RFX3: variants seen among roughly 807,000 people sequenced by gnomAD.
RFX3 encodes transcription factor RFX3.
In RFX3, 14 loss-of-function variants were observed where a neutral mutation model predicts 98.6. The observed-to-expected ratio is 0.14, with a 90% confidence interval of 0.09 to 0.22. RFX3 has a LOEUF of 0.22. Among genes scored for constraint, RFX3 ranks in the 10% least tolerant of loss-of-function variants. The pLI, the probability that RFX3 is intolerant of heterozygous loss-of-function variation, is 1.00. For missense variants in RFX3, 639 were observed against 926.9 expected (o/e 0.69, Z 4.03); for synonymous variants, 383 against 328.4 (o/e 1.17, Z -1.80).
chr9:3,458,315 A>G (rs1847375902), intron 1 of RFX3, among the ~76,000 whole-genome samples: 1 of 152,238 alleles, frequency 6.6e-6, no homozygotes, highest in South Asian at 2.1e-4. Flanking sequence ...GATGTATGCC[A>G]TTGATATAGA....
At chr9:3,359,675 C>T (rs985776279) in intron 2 of RFX3, among the ~76,000 whole-genome samples, 1 of 152,234 alleles carries the variant, frequency 6.6e-6, no homozygotes, top group East Asian at 1.9e-4. Context: ...TATTCAATAA[C>T]AAACAATGCC....
intron 15 of RFX3, among the ~76,000 whole-genome samples, chr9:3,238,918 G>A (rs1286780664): frequency 1.3e-5 from 2 of 151,538 alleles, no homozygotes; most frequent in Non-Finnish European, 2.9e-5. Flanking sequence ...GCTTGAACCC[G>A]GGAGGCAGAG....
intron 15 of RFX3, among the ~76,000 whole-genome samples, chr9:3,232,038 A>ACAAGCAAG (rs66952089): frequency 0.011 from 673 of 62,942 alleles, 3 homozygotes; most frequent in African/African-American, 0.032. Context: ...TGTCTCAAAA[A>ACAAGCAAG]CAAGCAAGCA....
chr9:3,324,250 T>C (rs1332173748), intron 4 of RFX3: 2 of 207,860 alleles, frequency 9.6e-6, no homozygotes, highest in East Asian at 2.0e-4. Context: ...TACTGTTTTG[T>C]CACATAAAAT....
At chr9:3,339,350 G>C (rs909434205) in intron 3 of RFX3, among the ~76,000 whole-genome samples, 22 of 152,136 alleles carry the variant, frequency 1.4e-4, no homozygotes, top group Admixed American at 7.2e-4. Flanking sequence ...CATTATAAAA[G>C]ATTTGATTTG....
At chr9:3,370,600 TA>T (rs1295176955) in intron 2 of RFX3, among the ~76,000 whole-genome samples, 1 of 152,036 alleles carries the variant, frequency 6.6e-6, no homozygotes, top group African/African-American at 2.4e-5. Context: ...TCTAGAGTGA[TA>T]AAAATGCCTT....
At chr9:3,302,401 C>T (rs2920372) in intron 4 of RFX3, among the ~76,000 whole-genome samples, 2,361 of 151,826 alleles carry the variant, frequency 0.016, 61 homozygotes, top group African/African-American at 0.053. Context: ...ATGTGATACA[C>T]TCTTAATAAC....
At chr9:3,507,622 C>T (rs1158962306) in intron 1 of RFX3, among the ~76,000 whole-genome samples, 1 of 151,798 alleles carries the variant, frequency 6.6e-6, no homozygotes, top group African/African-American at 2.4e-5. Context: ...GGTTCCAGGA[C>T]CTCCATCTTA....
chr9:3,524,477 C>G, intron 1 of RFX3: 1 of 968,292 alleles, frequency 1.0e-6, no homozygotes, highest in Non-Finnish European at 1.2e-6. Context: ...GAAATATACA[C>G]ACGTTTCAAG....
chr9:3,346,863 A>C, intron 2 of RFX3, 99 bp from the exon 3 acceptor site: 1 of 746,382 alleles, frequency 1.3e-6, no homozygotes, highest in Non-Finnish European at 2.4e-6. Context: ...ATTATTGATA[A>C]ATTTGAGAAA....
At chr9:3,385,457 T>C (rs1361238582) in intron 2 of RFX3, among the ~76,000 whole-genome samples, 1 of 151,906 alleles carries the variant, frequency 6.6e-6, no homozygotes, top group African/African-American at 2.4e-5. Flanking sequence ...ACACCTATAA[T>C]CTGAGAACTT....
intron 15 of RFX3, among the ~76,000 whole-genome samples, chr9:3,235,443 T>C (rs1280849357): frequency 6.6e-6 from 1 of 152,212 alleles, no homozygotes; most frequent in African/African-American, 2.4e-5. Context: ...ATAGCTTTCA[T>C]ACTGTAACAT....
chr9:3,318,804 G>A (rs1293058295), intron 4 of RFX3, among the ~76,000 whole-genome samples: 3 of 152,068 alleles, frequency 2.0e-5, no homozygotes, highest in East Asian at 1.9e-4. Context: ...TTTTCATAGC[G>A]GGGAGAAAAA....
intron 2 of RFX3, among the ~76,000 whole-genome samples, chr9:3,390,268 G>A (rs894579631): frequency 6.6e-6 from 1 of 152,144 alleles, no homozygotes; most frequent in African/African-American, 2.4e-5. Context: ...GTGGGGCACT[G>A]TTGAAAAGAT....
intron 1 of RFX3, among the ~76,000 whole-genome samples, chr9:3,437,330 T>C (rs920427696): frequency 2.0e-5 from 3 of 152,204 alleles, no homozygotes; most frequent in African/African-American, 4.8e-5. Flanking sequence ...TCCTAACTAC[T>C]ATAGACATTC....
intron 2 of RFX3, among the ~76,000 whole-genome samples, chr9:3,391,706 G>A (rs192964031): frequency 1.3e-5 from 2 of 152,134 alleles, no homozygotes; most frequent in Admixed American, 1.3e-4. Flanking sequence ...TTCTATTTAT[G>A]GCTAGTGACA....
At chr9:3,344,798 G>A (rs751333878) in intron 3 of RFX3, 5 of 704,718 alleles carry the variant, frequency 7.1e-6, no homozygotes, top group Non-Finnish European at 1.3e-5. Flanking sequence ...AGTGGCAGGC[G>A]TCTTTTTCAT....
At chr9:3,271,211 G>A (rs1415605474) in intron 9 of RFX3, 93 bp from the exon 10 acceptor site, 22 of 1,051,460 alleles carry the variant, frequency 2.1e-5, no homozygotes, top group Non-Finnish European at 3.2e-5. Context: ...ATATGGTCAA[G>A]TTCTCCCTTG....
chr9:3,434,586 T>G (rs904590381), intron 1 of RFX3, among the ~76,000 whole-genome samples: 5 of 152,122 alleles, frequency 3.3e-5, no homozygotes, highest in African/African-American at 1.2e-4. Flanking sequence ...CTTTGTACAT[T>G]CCACTTTCCT....
Sources: allele counts gnomAD v4.1 joint callset (sites outside exome capture counted in the v4.1 genomes callset), GRCh38; gene constraint gnomAD v4.1.1; transcripts MANE v1.5; gene names NCBI Gene and HGNC (gene_info 2026-07-23, HGNC 2026-07-21).